NCOR1: variants seen among roughly 807,000 people sequenced by gnomAD.
NCOR1 encodes nuclear receptor corepressor 1, also known as protein phosphatase 1, regulatory subunit 109.
In NCOR1, 63 loss-of-function variants were observed where a neutral mutation model predicts 288.1. The observed-to-expected ratio is 0.22, with a 90% CI of 0.18 to 0.27. The LOEUF is 0.27. Among genes scored for constraint, NCOR1 ranks in the 10% least tolerant of loss-of-function variants. NCOR1 has a pLI of 1.00. For missense variants in NCOR1, 2,397 were observed against 3,019.2 expected (o/e 0.79, Z 4.83); for synonymous variants, 1,007 against 1,065.9 (o/e 0.94, Z 1.08).
At position 16,071,466 on chromosome 17, in the gene NCOR1, C is replaced by A. The variant is rs1468993410; in HGVS notation, c.4095G>T (p.Arg1365=). The A allele has an allele frequency of 1.2e-6, 2 of 1,614,170 alleles. No individual in the cohort carries two copies. Among genetic ancestry groups the A allele is most frequent in the Non-Finnish European group, 1.7e-6 (2 of 1,180,026 alleles). ...TGCTCTGGACCACTTCTGGAGTTTT[C>A]CGACTTTCCTGAGTTAAAATATCTT... ...PRQDILTQES[R]KTPEVVQSTR... Residue 1365 remains arginine, a synonymous_variant, in exon 30 of 46, where the codon CGG becomes CGT. Coordinates refer to ENST00000268712, the MANE Select transcript of NCOR1 (RefSeq NM_006311.4).
At chr17:16,042,678 G>A (rs1329943053) in intron 42 of NCOR1, among the ~76,000 whole-genome samples, 2 of 152,226 alleles carry the variant, frequency 1.3e-5, no homozygotes, top group East Asian at 3.8e-4. Context: ...AACTTGACAG[G>A]AGGAGCTGAC....
chr17:16,185,755 C>G (rs2086552356), intron 3 of NCOR1, among the ~76,000 whole-genome samples: 1 of 146,178 alleles, frequency 6.8e-6, no homozygotes, highest in Admixed American at 7.0e-5. Context: ...CACTTGAGCT[C>G]AGGAGTTCAA....
intron 22 of NCOR1, among the ~76,000 whole-genome samples, chr17:16,088,073 T>C (rs542405712): frequency 6.6e-6 from 1 of 152,260 alleles, no homozygotes; most frequent in South Asian, 2.1e-4. Flanking sequence ...ATTTGTAGCA[T>C]TTTAATGTCT....
chr17:16,046,932 T>C lies in NCOR1; in HGVS notation c.6679+19A>G, dbSNP rs1239162280. The C allele has an allele frequency of 6.2e-7, 1 of 1,611,452 alleles. No individual in the cohort carries two copies. Among genetic ancestry groups the C allele is most frequent in the East Asian group, 2.2e-5 (1 of 44,828 alleles). On this transcript the variant is annotated intron_variant, in intron 42 of 45. Transcript: ENST00000268712. ...TAATGCATGTTTTATTTGGGGTTCA[T>C]GAAAGAAATCCCACTTACCCATATC...
At chr17:16,066,290 GGTGTGGCT>G (rs1315832143) in intron 32 of NCOR1, among the ~76,000 whole-genome samples, 2 of 152,168 alleles carry the variant, frequency 1.3e-5, no homozygotes, top group Non-Finnish European at 2.9e-5. Flanking sequence ...AAGAATAAAT[GGTGTGGCT>G]GTATCCTAAT....
At chr17:16,034,981 A>T in intron 44 of NCOR1, 37 bp from the exon 45 acceptor site, 1 of 1,588,094 alleles carries the variant, frequency 6.3e-7, no homozygotes, top group South Asian at 1.1e-5. Context: ...TTAATATATT[A>T]AGTTCTCAAA....
At chr17:16,033,167 G>A (rs550430081) in intron 45 of NCOR1, among the ~76,000 whole-genome samples, 2 of 152,064 alleles carry the variant, frequency 1.3e-5, no homozygotes, top group South Asian at 2.1e-4. Context: ...CCAACATGGA[G>A]AAACCCCATC....
Position 16,048,865 on chromosome 17 carries a change from G to A in NCOR1, c.6516C>T (p.Gly2172=), listed in dbSNP as rs772174911. 3.8e-5 allele frequency: 62 copies of A among 1,612,892 alleles called. No homozygotes were observed. Among genetic ancestry groups the A allele is most frequent in the Non-Finnish European group, 4.4e-5 (52 of 1,179,374 alleles). Residue 2172 remains glycine, a synonymous_variant, in exon 41 of 46, where the codon GGC becomes GGT. Transcript: ENST00000268712. Reference sequence around the variant, plus strand: ...CTTACCTCTGCTCTGCAGGCTCTGCGCCCCTCTGAGACAAGAGCAGCAAGC... The same window carrying A: ...CTTACCTCTGCTCTGCAGGCTCTGCACCCCTCTGAGACAAGAGCAGCAAGC... ...QDSLLLLSQR[G]AEPAEQRNDA...
intron 37 of NCOR1, among the ~76,000 whole-genome samples, chr17:16,061,050 G>A (rs1427096640): frequency 6.6e-6 from 1 of 152,176 alleles, no homozygotes; most frequent in African/African-American, 2.4e-5. Flanking sequence ...CATAAATATA[G>A]AACCATGTCC....
chr17:16,062,286 A>G lies in NCOR1; in HGVS notation c.5222-16T>C. ...TGTTCTGAGCCTGCAGAGGTGAAAA[A>G]GAGAAAGAAACAAAGACATAAGGAG... On this transcript the variant is annotated splice_polypyrimidine_tract_variant and intron_variant, in intron 35 of 45. Coordinates refer to ENST00000268712, the MANE Select transcript of NCOR1 (RefSeq NM_006311.4). 1 of 1,573,202 alleles carries G rather than the reference A, an allele frequency of 6.4e-7. No individual in the cohort carries two copies. The highest frequency in any genetic ancestry group is 8.6e-7 in the Non-Finnish European group (1 of 1,167,638).
At chr17:16,211,126 G>C (rs2153621236) in intron 1 of NCOR1, among the ~76,000 whole-genome samples, 1 of 152,216 alleles carries the variant, frequency 6.6e-6, no homozygotes, top group Non-Finnish European at 1.5e-5. Flanking sequence ...CTTAGATTCT[G>C]CTATTGCCCA....
chr17:16,152,002 TAAAAG>T lies in NCOR1; in HGVS notation c.790-9_790-5del, dbSNP rs776938106. On this transcript the variant is annotated splice_region_variant and splice_polypyrimidine_tract_variant and intron_variant, in intron 7 of 45. Transcript: ENST00000268712. Reference sequence around the variant, plus strand: ...CTGATGGCTGGTTATACAGTGGCTATAAAAGAAATCAAATATTTATGTATAAAATG... The same window carrying T: ...CTGATGGCTGGTTATACAGTGGCTATAAATCAAATATTTATGTATAAAATG... 2 of 1,572,670 alleles carry T rather than the reference TAAAAG, an allele frequency of 1.3e-6. No individual in the cohort carries two copies. The highest frequency in any genetic ancestry group is 8.6e-7 in the Non-Finnish European group (1 of 1,156,342).
intron 18 of NCOR1, among the ~76,000 whole-genome samples, chr17:16,111,121 A>G (rs2070041468): frequency 6.6e-6 from 1 of 152,176 alleles, no homozygotes; most frequent in South Asian, 2.1e-4. Context: ...TCCCTCTCTC[A>G]CCACTATCAA....
chr17:16,192,866 A>G (rs2088807196), intron 2 of NCOR1, among the ~76,000 whole-genome samples: 1 of 152,216 alleles, frequency 6.6e-6, no homozygotes, highest in African/African-American at 2.4e-5. Context: ...AACAATAAAA[A>G]GGAATGAACT....
intron 5 of NCOR1, among the ~76,000 whole-genome samples, chr17:16,160,178 G>A (rs1392372130): frequency 2.6e-5 from 4 of 152,152 alleles, no homozygotes; most frequent in African/African-American, 9.6e-5. Context: ...CATAAATAAG[G>A]TAGGGATAAT....
At chr17:16,199,735 G>C (rs1432866910) in intron 1 of NCOR1, among the ~76,000 whole-genome samples, 1 of 152,150 alleles carries the variant, frequency 6.6e-6, no homozygotes, top group African/African-American at 2.4e-5. Flanking sequence ...TTACATGGTT[G>C]ACTCATGAAC....
Position 16,127,705 on chromosome 17 carries a change from A to G in NCOR1, c.1510-1499T>C, listed in dbSNP as rs189060057. 6.3e-4 allele frequency among the ~76,000 whole-genome samples: 84 copies of G among 133,522 alleles called. 2 individuals are homozygous for G. The highest frequency in any genetic ancestry group is 2.8e-3 in the South Asian group (12 of 4,346). 87.6% of individuals were successfully genotyped at this position (133,522 alleles called of 152,430 possible). A position where few individuals can be genotyped will look rare whatever the true frequency, so the allele number is the denominator to read the frequency against. ...TGTGTATATATACATATATGTATAT[A>G]TGTGTGTGTATATATACATATATGT... On this transcript the variant is annotated intron_variant, in intron 14 of 45. Coordinates refer to ENST00000268712, the MANE Select transcript of NCOR1 (RefSeq NM_006311.4).
At chr17:16,142,972 T>G (rs746647186) in intron 11 of NCOR1, among the ~76,000 whole-genome samples, 3 of 152,206 alleles carry the variant, frequency 2.0e-5, no homozygotes, top group Non-Finnish European at 4.4e-5. Context: ...TGTTCATAGA[T>G]GAATCTCCTC....
chr17:16,056,920 A>AT (rs1567742391), intron 40 of NCOR1: 3 of 151,904 alleles, frequency 2.0e-5, no homozygotes, highest in Non-Finnish European at 4.4e-5. Context: ...ATATATATAT[A>AT]AAATTATTCA....
Sources: allele counts gnomAD v4.1 joint callset (sites outside exome capture counted in the v4.1 genomes callset), GRCh38; gene constraint gnomAD v4.1.1; transcripts MANE v1.5; gene names NCBI Gene and HGNC (gene_info 2026-07-23, HGNC 2026-07-21).